The following PPP2R1A variants were observed in gnomAD, a reference collection of about 807,000 sequenced individuals.
The protein encoded by PPP2R1A is protein phosphatase 2 scaffold subunit Aalpha.
PPP2R1A carries 15 observed loss-of-function variants against 67.1 expected under a neutral mutation model. The observed-to-expected ratio is 0.22, with a 90% CI of 0.15 to 0.34. The LOEUF (loss-of-function observed/expected upper bound fraction) is 0.34. Ranked by LOEUF, PPP2R1A falls within the 10% of genes least tolerant of loss-of-function variation. The pLI is 1.00. For synonymous variants in PPP2R1A, 337 were observed against 325.0 expected, an observed-to-expected ratio of 1.04 and a Z score of -0.40; for missense variants, 369 against 775.0, an observed-to-expected ratio of 0.48 and a Z score of 6.22.
intron 13 of PPP2R1A, among the ~76,000 whole-genome samples, chr19:52,223,421 A>G (rs879769160): frequency 1.3e-5 from 2 of 152,238 alleles, no homozygotes; most frequent in Non-Finnish European, 2.9e-5. Context: ...GCTGTTTCTC[A>G]AAAGACAGCA....
chr19:52,222,908 C>T (rs77796080), intron 13 of PPP2R1A, among the ~76,000 whole-genome samples: 11,267 of 152,206 alleles, frequency 0.074, 442 homozygotes, highest in East Asian at 0.16. Context: ...ATAATATTCA[C>T]GGATGGGACA....
In PPP2R1A at chr19:52,222,175, C is replaced by G; in HGVS notation, c.1595C>G (p.Pro532Arg). The change falls in exon 13 of 15, where the codon CCG (proline) becomes CGG (arginine). Residue 532 changes from proline (P) to arginine (R), a missense_variant. Pro to Arg is a moderately radical substitution (Grantham distance 103). Transcript: ENST00000322088. ...ACGGTTCTGCGCATGGCTGGGGACC[C>G]GGTTGCCAATGTCCGCTTCAATGTG... ...LPTVLRMAGD[P>R]VANVRFNVAK... The G allele has an allele frequency of 6.2e-7, 1 of 1,614,172 alleles. No individual in the cohort carries two copies. The highest frequency in any genetic ancestry group is 8.5e-7 in the Non-Finnish European group (1 of 1,180,032).
chr19:52,226,021 C>T lies in PPP2R1A; in HGVS notation c.*40C>T. On this transcript the variant is annotated 3_prime_UTR_variant, in exon 15 of 15. Transcript: ENST00000322088. ...CAAACACTGGCCTCTGGTGTCCACC[C>T]TCCAACCCCCACAAGTCCCTCTTTG... 2 of 1,614,104 alleles carry T rather than the reference C, an allele frequency of 1.2e-6. No homozygotes were observed. Among genetic ancestry groups the T allele is most frequent in the South Asian group, 1.1e-5 (1 of 91,082 alleles).
At position 52,216,930 on chromosome 19, in the gene PPP2R1A, C is replaced by T. The variant is rs112001358; in HGVS notation, c.1128+267C>T. Among the ~76,000 whole-genome samples, 1,014 of 152,276 alleles carry T rather than the reference C, an allele frequency of 6.7e-3. 11 individuals are homozygous for T. The highest frequency in any genetic ancestry group is 0.023 in the African/African-American group (964 of 41,548). On this transcript the variant is annotated intron_variant, in intron 9 of 14. Coordinates refer to ENST00000322088, the MANE Select transcript of PPP2R1A (RefSeq NM_014225.6). This position sits in a 1 kb window ranked among gnomAD's most constrained non-coding sequence, Gnocchi z 4.3. ...TATGGCCAGGCGCGGTGGCTCACGC[C>T]TGTAATCCCAGCACTTTGGGAGGCT...
At position 52,213,517 on chromosome 19, in the gene PPP2R1A, C is replaced by G. The variant is rs1421732459; in HGVS notation, c.807+407C>G. Among the ~76,000 whole-genome samples the G allele has an allele frequency of 2.6e-5, 3 of 115,488 alleles. No homozygotes were observed. The highest frequency in any genetic ancestry group is 1.3e-4 in the Admixed American group (1 of 7,876). 75.8% of individuals were successfully genotyped at this position (115,488 alleles called of 152,430 possible). ...TGGAGTCTGTCGCCCAGGCTAGAGT[C>G]TTGTTACCCAGCTGGAGTGTGGTGG... On this transcript the variant is annotated intron_variant, in intron 6 of 14. Transcript: ENST00000322088. The surrounding 1 kb of genome is among the most constrained non-coding windows in gnomAD (Gnocchi z 4.2).
At chr19:52,200,022 T>C (rs10406072) in intron 1 of PPP2R1A, among the ~76,000 whole-genome samples, 2,175 of 152,310 alleles carry the variant, frequency 0.014, 53 homozygotes, top group African/African-American at 0.05. Context: ...CGCAGAGATA[T>C]TCTTCAACTC....
rs950998667 is a variant in PPP2R1A, at chr19:52,228,438, G to A, written c.*2457G>A. On this transcript the variant is annotated 3_prime_UTR_variant, in exon 15 of 15. Transcript: ENST00000322088. ...ACTGAGGGAGTGCTCTCAGGAGAACGGACTGAGGTAACTCACCTTCTGTGA... is the reference window on the plus strand; with the variant it reads ...ACTGAGGGAGTGCTCTCAGGAGAACAGACTGAGGTAACTCACCTTCTGTGA... 14 of 152,194 alleles carry A rather than the reference G, an allele frequency of 9.2e-5. No individual in the cohort carries two copies. Among genetic ancestry groups the A allele is most frequent in the African/African-American group, 2.2e-4 (9 of 41,426 alleles). 9.4% of individuals were successfully genotyped at this position (152,194 alleles called of 1,614,324 possible).
At chr19:52,217,728 G>A (rs937642266) in intron 9 of PPP2R1A, among the ~76,000 whole-genome samples, 1 of 152,040 alleles carries the variant, frequency 6.6e-6, no homozygotes, top group Admixed American at 6.6e-5. Context: ...TTCCTCACAT[G>A]TGCTTGCACC....
chr19:52,190,794 A>G (rs976468645), intron 1 of PPP2R1A, among the ~76,000 whole-genome samples: 13 of 152,168 alleles, frequency 8.5e-5, no homozygotes, highest in African/African-American at 2.7e-4. Flanking sequence ...CCGCCTCCCC[A>G]TCTCCCCGGA....
In PPP2R1A at chr19:52,213,189, T is replaced by C. The variant is rs2122339951; in HGVS notation, c.807+79T>C. On this transcript the variant is annotated intron_variant, in intron 6 of 14. Transcript: ENST00000322088. This position sits in a 1 kb window ranked among gnomAD's most constrained non-coding sequence, Gnocchi z 4.2. Reference sequence around the variant, plus strand: ...GAAGGGAAGCATATAGGAGCTGAGGTTTCCATTAGGCCGATGGAACCATTG... The same window carrying C: ...GAAGGGAAGCATATAGGAGCTGAGGCTTCCATTAGGCCGATGGAACCATTG... 6.9e-7 allele frequency: 1 copy of C among 1,455,914 alleles called. No homozygotes were observed. The highest frequency in any genetic ancestry group is 1.5e-5 in the South Asian group (1 of 67,748). 90.2% of individuals were successfully genotyped at this position (1,455,914 alleles called of 1,614,324 possible). A position where few individuals can be genotyped will look rare whatever the true frequency, so the allele number is the denominator to read the frequency against.
At chr19:52,198,700 AT>A (rs1422035196) in intron 1 of PPP2R1A, among the ~76,000 whole-genome samples, 1 of 152,104 alleles carries the variant, frequency 6.6e-6, no homozygotes, top group Non-Finnish European at 1.5e-5. Flanking sequence ...TGATACAAAC[AT>A]TTTTGCCTAA....
rs573125497 is a variant in PPP2R1A at position 52,211,547 on chromosome 19, C to T, written c.503+55C>T. On this transcript the variant is annotated intron_variant, in intron 4 of 14. Coordinates refer to ENST00000322088, the MANE Select transcript of PPP2R1A (RefSeq NM_014225.6). This position sits in a 1 kb window ranked among gnomAD's most constrained non-coding sequence, Gnocchi z 5.3. ...GCTCCCATCTCAGCTCCAACCTTCT[C>T]TAAAGCCTCAGACTCCTTTTGGTCT... is the stretch of plus-strand genomic sequence containing the variant. 4 of 1,538,932 alleles carry T rather than the reference C, an allele frequency of 2.6e-6. No individual in the cohort carries two copies. In the South Asian group the frequency reaches 3.7e-5, roughly 14 times the overall value.
chr19:52,194,499 C>G (rs1298335499), intron 1 of PPP2R1A, among the ~76,000 whole-genome samples: 1 of 152,056 alleles, frequency 6.6e-6, no homozygotes, highest in Non-Finnish European at 1.5e-5. Flanking sequence ...TTTAAAGGAT[C>G]CTTCCTCTGG....
intron 1 of PPP2R1A, chr19:52,200,277 T>C (rs1273821281): frequency 6.8e-6 from 1 of 147,966 alleles, no homozygotes; most frequent in Non-Finnish European, 1.5e-5. Flanking sequence ...GTGACAGTGC[T>C]GGGAGCTATT....
intron 11 of PPP2R1A, among the ~76,000 whole-genome samples, chr19:52,220,622 C>T (rs1017735513): frequency 2.0e-5 from 3 of 152,020 alleles, no homozygotes; most frequent in Admixed American, 6.5e-5. Context: ...GAGAATGGCT[C>T]ATTGTTTACA....
rs1978534655 is a variant in PPP2R1A at position 52,215,816 on chromosome 19, A to T, written c.845A>T (p.Asp282Val). ...GTGGGGCCTGAGATCACCAAGACAGACCTGGTCCCTGCCTTCCAGAACCTG... is the reference window on the plus strand; with the variant it reads ...GTGGGGCCTGAGATCACCAAGACAGTCCTGGTCCCTGCCTTCCAGAACCTG... ...KAVGPEITKT[D>V]LVPAFQNLMK... The change falls in exon 7 of 15, where the codon GAC becomes GTC. Residue 282 changes from aspartate (D) to valine (V), a missense_variant. Physicochemically the swap from Asp to Val is radical, Grantham distance 152 (BLOSUM62 -3). This residue lies in a region of PPP2R1A where 276 missense variants were observed against 508.4 expected (regional missense o/e 0.54). Coordinates refer to ENST00000322088, the MANE Select transcript of PPP2R1A (RefSeq NM_014225.6). 1 of 1,613,980 alleles carries T rather than the reference A, an allele frequency of 6.2e-7. No homozygotes were observed. Among genetic ancestry groups the T allele is most frequent in the African/African-American group, 1.3e-5 (1 of 75,022 alleles).
rs765801925 is a variant in PPP2R1A, at chr19:52,212,921, T to A, written c.652-34T>A. 6.4e-7 allele frequency: 1 copy of A among 1,571,038 alleles called. No individual in the cohort carries two copies. Among genetic ancestry groups the A allele is most frequent in the Non-Finnish European group, 8.6e-7 (1 of 1,157,442 alleles). On this transcript the variant is annotated intron_variant, in intron 5 of 14. Transcript: ENST00000322088. This position sits in a 1 kb window ranked among gnomAD's most constrained non-coding sequence, Gnocchi z 4.1. ...GAATCCCAGAGCTCAGCAAGGCCTC[T>A]GCTGCCCTCCCACTGTTCCTCTCCT... is the stretch of plus-strand genomic sequence containing the variant.
In PPP2R1A at chr19:52,213,114, G is replaced by C. The variant is rs1162134467; in HGVS notation, c.807+4G>C. On this transcript the variant is annotated splice_donor_region_variant and intron_variant, in intron 6 of 14. Coordinates refer to ENST00000322088, the MANE Select transcript of PPP2R1A (RefSeq NM_014225.6). This position sits in a 1 kb window ranked among gnomAD's most constrained non-coding sequence, Gnocchi z 4.2. ...GGTGGCTGACAAGTTCACAGAGGTAGATGAGCGACCGTTGACATTGTCCCA... is the reference window on the plus strand; with the variant it reads ...GGTGGCTGACAAGTTCACAGAGGTACATGAGCGACCGTTGACATTGTCCCA... 6.4e-7 allele frequency: 1 copy of C among 1,555,612 alleles called. No homozygotes were observed. Among genetic ancestry groups the C allele is most frequent in the African/African-American group, 1.4e-5 (1 of 73,426 alleles).
chr19:52,205,921 A>G, intron 2 of PPP2R1A, 42 bp from the exon 3 acceptor site: 1 of 1,534,658 alleles, frequency 6.5e-7, no homozygotes, highest in Non-Finnish European at 9.0e-7. Context: ...CTGGGGTCAG[A>G]GTTGAGATGG....
Sources: allele counts gnomAD v4.1 joint callset (sites outside exome capture counted in the v4.1 genomes callset), GRCh38; gene constraint gnomAD v4.1.1; regional missense constraint gnomAD v4.1.1; non-coding constraint Gnocchi (gnomAD v3.1); transcripts MANE v1.5; gene names NCBI Gene and HGNC (gene_info 2026-07-23, HGNC 2026-07-21).